The following DGAT1 variants were observed in gnomAD, a reference collection of about 807,000 sequenced individuals.
DGAT1 encodes the protein ACAT related gene product 1.
A neutral mutation model predicts 72.6 loss-of-function variants in DGAT1; 60 were observed. The observed-to-expected ratio is 0.83, with a 90% CI of 0.67 to 1.02. DGAT1 has a LOEUF of 1.02. Ranked by LOEUF, DGAT1 falls within the 50% of genes least tolerant of loss-of-function variation. The pLI, the probability that DGAT1 is intolerant of heterozygous loss-of-function variation, is 0.00. For synonymous variants in DGAT1, 290 were observed against 267.5 expected, an observed-to-expected ratio of 1.08 and a Z score of -0.82; for missense variants, 592 against 670.0, an observed-to-expected ratio of 0.88 and a Z score of 1.29.
rs138800445 is a variant in DGAT1, at chr8:144,317,342, C to A, written c.1085G>T (p.Arg362Leu). Residue 362 changes from arginine to leucine, a missense_variant, in exon 13 of 17, where the codon CGG becomes CTG. Coordinates refer to ENST00000528718, the MANE Select transcript of DGAT1 (RefSeq NM_012079.6). ...LMQFGDREFY[R>L]DWWNSESVTY... ...CCCCAGGGACACTCACCACCAGTCC[C>A]GGTAGAACTCCCGGTCTCCAAACTG... 6.2e-7 allele frequency: 1 copy of A among 1,613,572 alleles called. No homozygotes were observed. The highest frequency in any genetic ancestry group is 8.5e-7 in the Non-Finnish European group (1 of 1,179,934).
rs782036173 is a variant in DGAT1 at position 144,319,052 on chromosome 8, C to A, written c.305G>T (p.Arg102Leu). The A allele has an allele frequency of 5.8e-6, 9 of 1,556,460 alleles. No individual in the cohort carries two copies. Among genetic ancestry groups the A allele is most frequent in the Non-Finnish European group, 7.8e-6 (9 of 1,150,002 alleles). Residue 102 changes from arginine (R) to leucine (L), a missense_variant, in exon 3 of 17, where the codon CGG (arginine) becomes CTG (leucine). Coordinates refer to ENST00000528718, the MANE Select transcript of DGAT1 (RefSeq NM_012079.6). The part of the protein sequence containing the change: ...CVVMLILSNA[R>L]LFLENLIKYG... ...CTTGATGAGGTTCTCCAGAAATAACCGGGCATTGCTCAAGATCTGCGAGGG... is the reference window on the plus strand; with the variant it reads ...CTTGATGAGGTTCTCCAGAAATAACAGGGCATTGCTCAAGATCTGCGAGGG...
chr8:144,316,252 C>G lies in DGAT1; in HGVS notation c.*302G>C. 2.7e-6 allele frequency: 1 copy of G among 368,298 alleles called. No individual in the cohort carries two copies. The highest frequency in any genetic ancestry group is 3.7e-5 in the South Asian group (1 of 27,108). The allele number at this position is 368,298 out of a possible 1,614,324, so 22.8% of individuals were successfully genotyped here. On this transcript the variant is annotated 3_prime_UTR_variant, in exon 17 of 17. Transcript: ENST00000528718. ...ACTCGCCCTTGTGGGTGTGGCCATA[C>G]CCCCCACCAGGCCCCAGGCCCCTGG...
chr8:144,316,577 CAT>C lies in DGAT1; in HGVS notation c.1442_1443del (p.Tyr481Ter). On this transcript the variant is annotated frameshift_variant, in exon 17 of 17. Coordinates refer to ENST00000528718, the MANE Select transcript of DGAT1 (RefSeq NM_012079.6). LOFTEE classifies it high-confidence loss of function. ...GCTCAGGCCTCTGCCGCTGGGGCCTCATAGTTGAGCACGTAGTAGTCGTGGAC... is the reference window on the plus strand; with the variant it reads ...GCTCAGGCCTCTGCCGCTGGGGCCTCAGTTGAGCACGTAGTAGTCGTGGAC... ...MYVHDYYVLN[Y>X]EAPAAEA is the part of the protein sequence containing the mutation. 1 of 1,601,060 alleles carries C rather than the reference CAT, an allele frequency of 6.2e-7. No individual in the cohort carries two copies. The highest frequency in any genetic ancestry group is 8.5e-7 in the Non-Finnish European group (1 of 1,174,476).
In DGAT1 at chr8:144,318,030, TGGG is replaced by T; in HGVS notation, c.752-16_752-14del. On this transcript the variant is annotated splice_polypyrimidine_tract_variant and intron_variant, in intron 8 of 16. Transcript: ENST00000528718. ...AAGTAGTAGAGATCTGGAATGGGAA[TGGG>T]GGGTTGGTACCAGAACAGGCCCAGC... is the stretch of plus-strand genomic sequence containing the variant. 1 of 1,517,016 alleles carries T rather than the reference TGGG, an allele frequency of 6.6e-7. No individual in the cohort carries two copies. Among genetic ancestry groups the T allele is most frequent in the South Asian group, 1.3e-5 (1 of 75,216 alleles). 94.0% of individuals were successfully genotyped at this position (1,517,016 alleles called of 1,614,324 possible).
chr8:144,314,604 A>G lies in DGAT1; in HGVS notation c.*1950T>C. 1.9e-6 allele frequency: 1 copy of G among 521,356 alleles called. No homozygotes were observed. The highest frequency in any genetic ancestry group is 3.5e-6 in the Non-Finnish European group (1 of 288,950). The allele number at this position is 521,356 out of a possible 1,614,324, so 32.3% of individuals were successfully genotyped here. On this transcript the variant is annotated 3_prime_UTR_variant, in exon 17 of 17. Transcript: ENST00000528718. ...GCAGGTTGTTCATAGTCAGAATTGT[A>G]TTTTGGATTTTTACACAACTGTCCC...
chr8:144,326,066 C>G (rs1296191825), intron 1 of DGAT1, among the ~76,000 whole-genome samples: 1 of 152,180 alleles, frequency 6.6e-6, no homozygotes, highest in Non-Finnish European at 1.5e-5. Flanking sequence ...AGGAACCTAT[C>G]ACCACAAACT....
Position 144,316,017 on chromosome 8 carries a change from T to C in DGAT1, c.*537A>G, listed in dbSNP as rs1817200247. On this transcript the variant is annotated 3_prime_UTR_variant, in exon 17 of 17. Transcript: ENST00000528718. ...CACGGTGGGTGCAAGTTGACCATCC[T>C]GCACTGAGGGCCAGAGTGCCGATTC... is the stretch of plus-strand genomic sequence containing the variant. The C allele has an allele frequency of 1.2e-5, 10 of 844,922 alleles. No homozygotes were observed. The South Asian group carries it at 5.3e-4, about 45-fold the overall frequency. 52.3% of individuals were successfully genotyped at this position (844,922 alleles called of 1,614,324 possible). A position where few individuals can be genotyped will look rare whatever the true frequency, so the allele number is the denominator to read the frequency against.
chr8:144,315,180 C>A lies in DGAT1; in HGVS notation c.*1374G>T. On this transcript the variant is annotated 3_prime_UTR_variant, in exon 17 of 17. Coordinates refer to ENST00000528718, the MANE Select transcript of DGAT1 (RefSeq NM_012079.6). ...TTATCTGGCAGCAACAGTTTGTTCT[C>A]GAGCTCCACTGGCCAACTGATAGGG... The A allele has an allele frequency of 1.0e-6, 1 of 985,460 alleles. No individual in the cohort carries two copies. Among genetic ancestry groups the A allele is most frequent in the Non-Finnish European group, 1.2e-6 (1 of 829,950 alleles). The allele number at this position is 985,460 out of a possible 1,614,324, so 61.0% of individuals were successfully genotyped here. A position where few individuals can be genotyped will look rare whatever the true frequency, so the allele number is the denominator to read the frequency against.
Position 144,315,870 on chromosome 8 carries a change from A to T in DGAT1, c.*684T>A. 1 of 985,640 alleles carries T rather than the reference A, an allele frequency of 1.0e-6. No homozygotes were observed. Among genetic ancestry groups the T allele is most frequent in the Non-Finnish European group, 1.2e-6 (1 of 830,086 alleles). The allele number at this position is 985,640 out of a possible 1,614,324, so 61.1% of individuals were successfully genotyped here. On this transcript the variant is annotated 3_prime_UTR_variant, in exon 17 of 17. Transcript: ENST00000528718. Reference sequence around the variant, plus strand: ...CATGGACATAGCCATTGTGTACCGTAGCCCCTCGGCTCACCAGACCCACAC... The same window carrying T: ...CATGGACATAGCCATTGTGTACCGTTGCCCCTCGGCTCACCAGACCCACAC...
chr8:144,317,995 G>C lies in DGAT1; in HGVS notation c.774C>G (p.Ala258=), dbSNP rs373473438. The change falls in exon 9 of 17, where the codon GCC becomes GCG. Residue 258 remains alanine (A), a synonymous_variant. Coordinates refer to ENST00000528718, the MANE Select transcript of DGAT1 (RefSeq NM_012079.6). ...TYRDLYYFLF[A]PTLCYELNFP... ...AGTTGAGCTCGTAGCACAAGGTGGG[G>C]GCGAAGAGGAAGTAGTAGAGATCTG... 7 of 1,519,156 alleles carry C rather than the reference G, an allele frequency of 4.6e-6. No homozygotes were observed. Among genetic ancestry groups the C allele is most frequent in the Non-Finnish European group, 6.2e-6 (7 of 1,135,942 alleles). 94.1% of individuals were successfully genotyped at this position (1,519,156 alleles called of 1,614,324 possible).
intron 9 of DGAT1, 27 bp from the exon 10 acceptor site, chr8:144,317,849 C>G (rs781903129): frequency 1.2e-6 from 2 of 1,603,242 alleles, no homozygotes; most frequent in Middle Eastern, 1.7e-4. Context: ...GAGCAGCCAG[C>G]TGAGGCCCTG....
At position 144,315,223 on chromosome 8, in the gene DGAT1, T is replaced by C. The variant is rs557986368; in HGVS notation, c.*1331A>G. 128 of 985,476 alleles carry C rather than the reference T, an allele frequency of 1.3e-4. No homozygotes were observed. In the African/African-American group the frequency reaches 2.0e-3, roughly 16 times the overall value. 61.0% of individuals were successfully genotyped at this position (985,476 alleles called of 1,614,324 possible). The stretch of plus-strand genomic sequence containing the variant: ...TGATAGGGAGAGGCACAGGAGCCCA[T>C]GTGGGATGGAGGAGTCGGCCCCACA... On this transcript the variant is annotated 3_prime_UTR_variant, in exon 17 of 17. Coordinates refer to ENST00000528718, the MANE Select transcript of DGAT1 (RefSeq NM_012079.6).
rs1588689188 is a variant in DGAT1, at chr8:144,326,583, G to C, written c.54C>G (p.Ser18Arg). 8.0e-7 allele frequency: 1 copy of C among 1,243,236 alleles called. No homozygotes were observed. Among genetic ancestry groups the C allele is most frequent in the Non-Finnish European group, 1.0e-6 (1 of 993,744 alleles). 77.0% of individuals were successfully genotyped at this position (1,243,236 alleles called of 1,614,324 possible). Residue 18 changes from serine (S) to arginine (R), a missense_variant, in exon 1 of 17, where the codon AGC becomes AGG. Transcript: ENST00000528718. Reference sequence around the variant, plus strand: ...CCGCCGCAGGCCCGCCGCCGCCGTGGCTCGAGGGCCGCGACCCTGTCCTCC... The same window carrying C: ...CCGCCGCAGGCCCGCCGCCGCCGTGCCTCGAGGGCCGCGACCCTGTCCTCC... ...RRRRTGSRPS[S>R]HGGGGPAAAE... is the part of the protein sequence containing the mutation.
Position 144,326,716 on chromosome 8 carries a change from G to C in DGAT1, c.-80C>G. ...CCCGAGGCGCGCGGCCCCACCTCCG[G>C]GCCCTAGACAACGGCCGCCACTGCC... On this transcript the variant is annotated 5_prime_UTR_variant, in exon 1 of 17. Coordinates refer to ENST00000528718, the MANE Select transcript of DGAT1 (RefSeq NM_012079.6). The C allele has an allele frequency of 1.8e-6, 2 of 1,089,796 alleles. No homozygotes were observed. Among genetic ancestry groups the C allele is most frequent in the Non-Finnish European group, 2.2e-6 (2 of 892,260 alleles). The allele number at this position is 1,089,796 out of a possible 1,614,324, so 67.5% of individuals were successfully genotyped here. A position where few individuals can be genotyped will look rare whatever the true frequency, so the allele number is the denominator to read the frequency against.
Position 144,316,863 on chromosome 8 carries a change from A to G in DGAT1, c.1301T>C (p.Met434Thr), listed in dbSNP as rs1554847124. 1 of 1,610,690 alleles carries G rather than the reference A, an allele frequency of 6.2e-7. No homozygotes were observed. The highest frequency in any genetic ancestry group is 8.5e-7 in the Non-Finnish European group (1 of 1,179,078). The stretch of plus-strand genomic sequence containing the variant: ...GTGGGGGTCACTCACCTGAGCCATC[A>G]TGCCCGTGAACGCCCAGAGGCGGAA... ...RMFRLWAFTG[M>T]MAQIPLAWFV... Residue 434 changes from methionine to threonine, a missense_variant, in exon 16 of 17, where the codon ATG becomes ACG. By Grantham distance (81) the Met-to-Thr change is moderately conservative (BLOSUM62 -1). Coordinates refer to ENST00000528718, the MANE Select transcript of DGAT1 (RefSeq NM_012079.6).
Position 144,315,138 on chromosome 8 carries a change from G to T in DGAT1, c.*1416C>A. The T allele has an allele frequency of 1.0e-6, 1 of 985,450 alleles. No homozygotes were observed. The highest frequency in any genetic ancestry group is 1.7e-5 in the African/African-American group (1 of 57,330). The allele number at this position is 985,450 out of a possible 1,614,324, so 61.0% of individuals were successfully genotyped here. A position where few individuals can be genotyped will look rare whatever the true frequency, so the allele number is the denominator to read the frequency against. On this transcript the variant is annotated 3_prime_UTR_variant, in exon 17 of 17. Coordinates refer to ENST00000528718, the MANE Select transcript of DGAT1 (RefSeq NM_012079.6). ...GGAAGGGGGCCTGCGCTGGGCAGTG[G>T]AGCAGGCTTTGCTGCTTTATCTGGC...
At chr8:144,320,413 C>G (rs1817415462) in intron 2 of DGAT1, among the ~76,000 whole-genome samples, 1 of 152,232 alleles carries the variant, frequency 6.6e-6, no homozygotes, top group Admixed American at 6.5e-5. Flanking sequence ...GCCTCCACAG[C>G]TGGCCACCCC....
chr8:144,318,452 G>A lies in DGAT1; in HGVS notation c.574+9C>T, dbSNP rs782109947. On this transcript the variant is annotated intron_variant, in intron 6 of 16. Coordinates refer to ENST00000528718, the MANE Select transcript of DGAT1 (RefSeq NM_012079.6). ...CGAGACAGATGGGCAGGGTGGGATG[G>A]GGGCGCACCTGGAGTGATAGACTCA... The A allele has an allele frequency of 5.0e-6, 8 of 1,610,498 alleles. No individual in the cohort carries two copies. In the Admixed American group the frequency reaches 1.2e-4, roughly 24 times the overall value.
chr8:144,318,788 A>G, intron 4 of DGAT1, 37 bp from the exon 5 acceptor site: 1 of 1,606,976 alleles, frequency 6.2e-7, no homozygotes, highest in East Asian at 2.2e-5. Context: ...GTTTAGGGCC[A>G]CGTCAGCCTG....
Sources: gnomAD v4.1 joint callset for allele counts (sites outside exome capture counted in the v4.1 genomes callset) on GRCh38, gnomAD v4.1.1 for gene constraint, MANE v1.5 for transcripts, NCBI Gene and HGNC (gene_info 2026-07-23, HGNC 2026-07-21) for gene names.